Variants in CARMIL1 observed in about 807,000 individuals in gnomAD.
CARMIL1 encodes the protein F-actin-uncapping protein LRRC16A.
Under a neutral mutation model 177.1 loss-of-function variants are expected in CARMIL1, and 90 were observed. The ratio of observed to expected loss-of-function variants is 0.51; its 90% CI spans 0.43 to 0.61. The LOEUF is 0.61. CARMIL1 is among the 20% of genes least tolerant of loss of function. The pLI is 0.00. For missense variants in CARMIL1, 1,380 were observed against 1,667.0 expected (o/e 0.83, Z 3.00); for synonymous variants, 577 against 606.2 (o/e 0.95, Z 0.71).
rs199790389 is a variant in CARMIL1, at chr6:25,447,526, CTA to C, written c.372-2368_372-2367del. Reference sequence around the variant, plus strand: ...TGCCTTGAAATCATTAAAGATGAAACTATATTCAATACAAGTTAATATATTTA... The same window carrying C: ...TGCCTTGAAATCATTAAAGATGAAACTATTCAATACAAGTTAATATATTTA... On this transcript the variant is annotated intron_variant, in intron 5 of 36. Transcript: ENST00000329474. 4.1e-3 allele frequency among the ~76,000 whole-genome samples: 622 copies of C among 152,278 alleles called. 4 individuals are homozygous for C. Among genetic ancestry groups the C allele is most frequent in the African/African-American group, 0.014 (582 of 41,564 alleles).
intron 2 of CARMIL1, among the ~76,000 whole-genome samples, chr6:25,389,557 A>T (rs2150525156): frequency 6.6e-6 from 1 of 152,338 alleles, no homozygotes; most frequent in East Asian, 1.9e-4. Flanking sequence ...AAAGTGTAAA[A>T]TGGAATAATT....
intron 2 of CARMIL1, among the ~76,000 whole-genome samples, chr6:25,399,464 G>A (rs774678747): frequency 1.3e-5 from 2 of 152,166 alleles, no homozygotes; most frequent in Non-Finnish European, 1.5e-5. Flanking sequence ...TGGATATGAG[G>A]CAGATTTCAG....
At chr6:25,551,332 TA>T (rs1810084078) in intron 27 of CARMIL1, among the ~76,000 whole-genome samples, 2 of 152,202 alleles carry the variant, frequency 1.3e-5, no homozygotes, top group South Asian at 4.1e-4. Flanking sequence ...TTAAAGGTTT[TA>T]TATTTAAGAG....
At chr6:25,346,474 A>G (rs937184666) in intron 2 of CARMIL1, among the ~76,000 whole-genome samples, 8 of 152,156 alleles carry the variant, frequency 5.3e-5, no homozygotes, top group African/African-American at 1.9e-4. Flanking sequence ...CTGGCCACCA[A>G]TCTTAACTTT....
intron 3 of CARMIL1, among the ~76,000 whole-genome samples, chr6:25,423,546 C>T (rs529082602): frequency 4.6e-5 from 7 of 152,038 alleles, no homozygotes; most frequent in South Asian, 4.2e-4. Flanking sequence ...GTGGAGGAGG[C>T]GGTGGTGGGA....
chr6:25,363,611 G>A (rs1789456521), intron 2 of CARMIL1, among the ~76,000 whole-genome samples: 1 of 152,192 alleles, frequency 6.6e-6, no homozygotes, highest in South Asian at 2.1e-4. Flanking sequence ...TTCCTCTAGA[G>A]TCTCATTAGT....
intron 3 of CARMIL1, among the ~76,000 whole-genome samples, chr6:25,420,984 A>G (rs1362225167): frequency 2.0e-5 from 3 of 152,186 alleles, no homozygotes; most frequent in Non-Finnish European, 4.4e-5. Context: ...AAGTCTTATT[A>G]TTATCCCCTT....
chr6:25,468,503 C>G (rs555118383), intron 9 of CARMIL1, among the ~76,000 whole-genome samples: 1 of 152,324 alleles, frequency 6.6e-6, no homozygotes, highest in Non-Finnish European at 1.5e-5. Flanking sequence ...TAACTGAGTG[C>G]AAGCTCCTGG....
At chr6:25,585,068 A>G (rs75368063) in intron 31 of CARMIL1, among the ~76,000 whole-genome samples, 2,955 of 152,226 alleles carry the variant, frequency 0.019, 81 homozygotes, top group African/African-American at 0.061. Context: ...CAGAGCACTG[A>G]TGGACAGAGA....
chr6:25,519,432 G>T (rs191899148), intron 22 of CARMIL1, among the ~76,000 whole-genome samples: 1 of 152,356 alleles, frequency 6.6e-6, no homozygotes, highest in East Asian at 1.9e-4. Context: ...GCAGTTTGCA[G>T]CAGGGTCAGG....
At chr6:25,342,776 C>T (rs949066608) in intron 2 of CARMIL1, among the ~76,000 whole-genome samples, 22 of 152,238 alleles carry the variant, frequency 1.4e-4, no homozygotes, top group Admixed American at 3.9e-4. Context: ...GGTATTTAGG[C>T]AAAGGATTCA....
intron 2 of CARMIL1, among the ~76,000 whole-genome samples, chr6:25,332,742 T>TACACACAAACAC (rs1785759761): frequency 1.4e-5 from 2 of 140,086 alleles, no homozygotes; most frequent in Non-Finnish European, 3.1e-5. Context: ...CAAACATGCA[T>TACACACAAACAC]ACACACACAC....
intron 24 of CARMIL1, among the ~76,000 whole-genome samples, chr6:25,531,832 G>T (rs1051652624): frequency 6.6e-6 from 1 of 152,048 alleles, no homozygotes; most frequent in Non-Finnish European, 1.5e-5. Flanking sequence ...GTGCAGTGGC[G>T]CAATCTCGGC....
At chr6:25,497,161 T>C (rs1209973354) in intron 16 of CARMIL1, among the ~76,000 whole-genome samples, 2 of 152,176 alleles carry the variant, frequency 1.3e-5, no homozygotes, top group African/African-American at 4.8e-5. Flanking sequence ...TGTGATATAA[T>C]TATTTGAAAA....
intron 2 of CARMIL1, among the ~76,000 whole-genome samples, chr6:25,357,457 G>T (rs776916300): frequency 6.6e-6 from 1 of 151,944 alleles, no homozygotes; most frequent in Non-Finnish European, 1.5e-5. Context: ...GTTGGTACAT[G>T]CTTGTAATCT....
chr6:25,522,696 G>A (rs567471774), intron 23 of CARMIL1, among the ~76,000 whole-genome samples: 1 of 152,218 alleles, frequency 6.6e-6, no homozygotes, highest in South Asian at 2.1e-4. Context: ...AAGTTACCTG[G>A]CTCCATGTTT....
intron 2 of CARMIL1, among the ~76,000 whole-genome samples, chr6:25,340,004 T>C (rs1264666767): frequency 1.3e-5 from 2 of 152,244 alleles, no homozygotes; most frequent in Non-Finnish European, 2.9e-5. Flanking sequence ...TCTGCCTGCA[T>C]TGTTGTCGAG....
At chr6:25,589,874 G>A (rs1251545312) in intron 31 of CARMIL1, among the ~76,000 whole-genome samples, 1 of 152,148 alleles carries the variant, frequency 6.6e-6, no homozygotes, top group African/African-American at 2.4e-5. Flanking sequence ...TCATCCAGGT[G>A]ACTGGTATTG....
chr6:25,600,363 G>A lies in CARMIL1; in HGVS notation c.3169G>A (p.Asp1057Asn). Residue 1057 changes from aspartate (D) to asparagine (N), a missense_variant, in exon 33 of 37, where the codon GAT becomes AAT. Coordinates refer to ENST00000329474, the MANE Select transcript of CARMIL1 (RefSeq NM_017640.6). ...GTCCCATGAGCTTAATGAAGGAGGAGATGAAAAGAAAAAGCGAGATTCTCG... is the reference window on the plus strand; with the variant it reads ...GTCCCATGAGCTTAATGAAGGAGGAAATGAAAAGAAAAAGCGAGATTCTCG... ...SESHELNEGG[D>N]EKKKRDSRKS... The A allele has an allele frequency of 1.2e-6, 2 of 1,613,940 alleles. No individual in the cohort carries two copies. The highest frequency in any genetic ancestry group is 1.7e-6 in the Non-Finnish European group (2 of 1,179,880).
Sources: gnomAD v4.1 joint callset for allele counts (sites outside exome capture counted in the v4.1 genomes callset) on GRCh38, gnomAD v4.1.1 for gene constraint, MANE v1.5 for transcripts, NCBI Gene and HGNC (gene_info 2026-07-23, HGNC 2026-07-21) for gene names.